GLYATL2: variants seen among roughly 807,000 people sequenced by gnomAD.
The protein encoded by GLYATL2 is glycine N-acyltransferase-like protein 2.
GLYATL2 carries 25 observed loss-of-function variants against 21.4 expected under a neutral mutation model. The ratio of observed to expected loss-of-function variants is 1.17; its 90% confidence interval spans 0.85 to 1.63. The LOEUF is 1.63. GLYATL2 is among the 40% of genes most tolerant of loss of function. The pLI, the probability that GLYATL2 is intolerant of heterozygous loss-of-function variation, is 0.00. For synonymous variants in GLYATL2, 114 were observed against 118.2 expected (o/e 0.96, Z 0.23); for missense variants, 361 against 343.3 (o/e 1.05, Z -0.41).
At chr11:58,896,113 C>T (rs941514214) in intron 1 of GLYATL2, among the ~76,000 whole-genome samples, 1 of 152,104 alleles carries the variant, frequency 6.6e-6, no homozygotes, top group Non-Finnish European at 1.5e-5. Flanking sequence ...CCGCGGCCTC[C>T]GAAAGTGCGA....
At chr11:58,879,919 C>T (rs530487555) in intron 1 of GLYATL2, among the ~76,000 whole-genome samples, 33 of 149,666 alleles carry the variant, frequency 2.2e-4, no homozygotes, top group African/African-American at 7.9e-4. Flanking sequence ...AGTGCAGTGG[C>T]GCGATCTCGG....
At chr11:58,908,038 C>T (rs1186435568), upstream of GLYATL2, 1 of 152,700 alleles carries the variant, frequency 6.5e-6, no homozygotes, top group Non-Finnish European at 1.5e-5. Context: ...TTTCATTATA[C>T]TCATGCATTG....
At chr11:58,847,471 C>T (rs1253466452), upstream of GLYATL2, among the ~76,000 whole-genome samples, 2 of 152,150 alleles carry the variant, frequency 1.3e-5, no homozygotes, top group East Asian at 1.9e-4. Flanking sequence ...GCCCACTGCC[C>T]GGAAAGGTGA....
At chr11:58,871,476 T>C (rs1004369730) in intron 1 of GLYATL2, among the ~76,000 whole-genome samples, 6 of 138,866 alleles carry the variant, frequency 4.3e-5, no homozygotes, top group African/African-American at 1.6e-4. Flanking sequence ...ATGTTCCCCT[T>C]CCTGTGTCCA....
chr11:58,877,903 T>C (rs1281909523), intron 1 of GLYATL2, among the ~76,000 whole-genome samples: 1 of 152,236 alleles, frequency 6.6e-6, no homozygotes, highest in Non-Finnish European at 1.5e-5. Flanking sequence ...AACGGTAACC[T>C]ACCTTAATAG....
intron 1 of GLYATL2, among the ~76,000 whole-genome samples, chr11:58,860,457 T>C (rs1853911593): frequency 6.6e-6 from 1 of 152,134 alleles, no homozygotes; most frequent in African/African-American, 2.4e-5. Flanking sequence ...ATTTTGTATC[T>C]TGCCACATTA....
At chr11:58,866,554 A>G (rs1210670294) in intron 1 of GLYATL2, among the ~76,000 whole-genome samples, 1 of 148,910 alleles carries the variant, frequency 6.7e-6, no homozygotes, top group Non-Finnish European at 1.5e-5. Context: ...GAATTCTGAG[A>G]TACAGCAAGT....
At position 58,834,581 on chromosome 11, in the gene GLYATL2, G is replaced by A; in HGVS notation, c.733C>T (p.Leu245Phe). ...TCTTTCTGAGAAAGATACTTTTCAA[G>A]ATGATAACCAATTTGCAACATGTTG... Reference protein sequence around the residue: ...QGNMLQIGYHLEKYLSQKEIP... With the variant: ...QGNMLQIGYHFEKYLSQKEIP... Residue 245 changes from leucine to phenylalanine, a missense_variant, in exon 6 of 6, where the codon CTT becomes TTT. Coordinates refer to ENST00000287275, the MANE Select transcript of GLYATL2 (RefSeq NM_145016.4). 1 of 1,613,888 alleles carries A rather than the reference G, an allele frequency of 6.2e-7. No individual in the cohort carries two copies. Among genetic ancestry groups the A allele is most frequent in the Non-Finnish European group, 8.5e-7 (1 of 1,179,944 alleles).
intron 1 of GLYATL2, chr11:58,884,933 A>G (rs182324092): frequency 2.9e-3 from 457 of 157,874 alleles, no homozygotes; most frequent in African/African-American, 0.011. Context: ...TCAAGGAATG[A>G]AGCATCCCAC....
rs542058054 is a variant in GLYATL2, at chr11:58,868,992, T to G, written n.61-30624A>C. On this transcript the variant is annotated intron_variant and non_coding_transcript_variant, in intron 1 of 4. Coordinates refer to the GLYATL2 transcript ENST00000533636. ...TTGGGGAGTTGTTCGTCATTTTGTGTGTGTCCAGGCAAGTGAGTGTCTTTT... is the reference window on the plus strand; with the variant it reads ...TTGGGGAGTTGTTCGTCATTTTGTGGGTGTCCAGGCAAGTGAGTGTCTTTT... Among the ~76,000 whole-genome samples, 26 of 131,254 alleles carry G rather than the reference T, an allele frequency of 2.0e-4. 1 individual carries two copies. The highest frequency in any genetic ancestry group is 1.4e-3 in the East Asian group (4 of 2,766). 86.1% of individuals were successfully genotyped at this position (131,254 alleles called of 152,430 possible). A position where few individuals can be genotyped will look rare whatever the true frequency, so the allele number is the denominator to read the frequency against.
chr11:58,894,043 C>A (rs556034465), intron 1 of GLYATL2, among the ~76,000 whole-genome samples: 3 of 152,158 alleles, frequency 2.0e-5, no homozygotes, highest in Non-Finnish European at 4.4e-5. Flanking sequence ...AGTGGGCTGG[C>A]CTTGTGGCCT....
At chr11:58,862,794 G>A (rs1853954434) in intron 1 of GLYATL2, among the ~76,000 whole-genome samples, 1 of 150,412 alleles carries the variant, frequency 6.6e-6, no homozygotes, top group Non-Finnish European at 1.5e-5. Context: ...AAGTTCATAA[G>A]CCTTTATTTC....
intron 1 of GLYATL2, among the ~76,000 whole-genome samples, chr11:58,852,248 T>G (rs900838151): frequency 6.6e-6 from 1 of 152,122 alleles, no homozygotes; most frequent in African/African-American, 2.4e-5. Context: ...AATTCTGCAG[T>G]AGGGGCTATT....
In GLYATL2 at chr11:58,844,644, T is replaced by C. The variant is rs974042715; in HGVS notation, c.-251A>G. The C allele has an allele frequency of 6.6e-6, 1 of 152,338 alleles. No individual in the cohort carries two copies. Among genetic ancestry groups the C allele is most frequent in the South Asian group, 2.1e-4 (1 of 4,826 alleles). The allele number at this position is 152,338 out of a possible 1,614,324, so 9.4% of individuals were successfully genotyped here. A position where few individuals can be genotyped will look rare whatever the true frequency, so the allele number is the denominator to read the frequency against. ...TGTCCATAGACAAGAAATCACAGGC[T>C]TTGTAGACCAGAGGAGGACTGAGAA... is the stretch of plus-strand genomic sequence containing the variant. On this transcript the variant is annotated 5_prime_UTR_variant, in exon 1 of 6. Coordinates refer to ENST00000287275, the MANE Select transcript of GLYATL2 (RefSeq NM_145016.4).
chr11:58,843,744 G>A (rs547386416), intron 1 of GLYATL2, among the ~76,000 whole-genome samples: 1 of 152,196 alleles, frequency 6.6e-6, no homozygotes, highest in Middle Eastern at 3.4e-3. Flanking sequence ...CTTAAAAATA[G>A]GAGATTGGGA....
chr11:58,847,215 C>T (rs1197347815), upstream of GLYATL2, among the ~76,000 whole-genome samples: 1 of 152,122 alleles, frequency 6.6e-6, no homozygotes, highest in Non-Finnish European at 1.5e-5. Context: ...ACATTGAGGA[C>T]CTTGCGTGAG....
rs140545948 is a variant in GLYATL2, at chr11:58,834,510, T to C, written c.804A>G (p.Leu268=). Residue 268 remains leucine, a synonymous_variant, in exon 6 of 6, where the codon CTA becomes CTG. Transcript: ENST00000287275. ...TAAACCCCAAATTGTTCAGTGCCTGTAGGCTTTTCTCATTATTATCTGCCA... is the reference window on the plus strand; with the variant it reads ...TAAACCCCAAATTGTTCAGTGCCTGCAGGCTTTTCTCATTATTATCTGCCA... ...FHVADNNEKS[L]QALNNLGFKI... 9.9e-6 allele frequency: 16 copies of C among 1,613,722 alleles called. No individual in the cohort carries two copies. In the African/African-American group the frequency reaches 1.7e-4, roughly 17 times the overall value.
At chr11:58,904,552 C>T (rs1194725466), upstream of GLYATL2, among the ~76,000 whole-genome samples, 1 of 152,230 alleles carries the variant, frequency 6.6e-6, no homozygotes, top group Non-Finnish European at 1.5e-5. Flanking sequence ...GATCAAGTCT[C>T]CTTGTGCAAT....
chr11:58,856,177 C>G (rs971575788), intron 1 of GLYATL2, among the ~76,000 whole-genome samples: 3 of 152,002 alleles, frequency 2.0e-5, no homozygotes, highest in African/African-American at 7.2e-5. Flanking sequence ...TTCCTTAAAC[C>G]TCATGAACCA....
Sources: allele counts gnomAD v4.1 joint callset (sites outside exome capture counted in the v4.1 genomes callset), GRCh38; gene constraint gnomAD v4.1.1; transcripts MANE v1.5; gene names NCBI Gene and HGNC (gene_info 2026-07-23, HGNC 2026-07-21).